The following PATJ variants were observed in gnomAD, a reference collection of about 807,000 sequenced individuals.
PATJ encodes the protein PATJ crumbs cell polarity complex component, also known as inaD-like protein.
A neutral mutation model predicts 224.9 loss-of-function variants in PATJ; 190 were observed. The ratio of observed to expected loss-of-function variants is 0.84; its 90% confidence interval spans 0.75 to 0.95. The LOEUF is 0.95. PATJ is among the 40% of genes least tolerant of loss of function. PATJ has a pLI of 0.00. For synonymous variants in PATJ, 769 were observed against 820.3 expected (o/e 0.94, Z 1.07); for missense variants, 2,121 against 2,270.3 (o/e 0.93, Z 1.34).
intron 31 of PATJ, among the ~76,000 whole-genome samples, chr1:62,064,204 T>C (rs1419862137): frequency 6.6e-6 from 1 of 152,186 alleles, no homozygotes; most frequent in East Asian, 1.9e-4. Flanking sequence ...GTTTTTATCA[T>C]GAAGGTATGT....
At chr1:61,890,120 T>C (rs1344009453) in intron 22 of PATJ, among the ~76,000 whole-genome samples, 3 of 152,222 alleles carry the variant, frequency 2.0e-5, no homozygotes, top group East Asian at 3.9e-4. Flanking sequence ...TGTATGACCC[T>C]GAAAGGGTTT....
chr1:61,998,204 C>T (rs899459345), intron 28 of PATJ, among the ~76,000 whole-genome samples: 3 of 150,844 alleles, frequency 2.0e-5, no homozygotes, highest in African/African-American at 4.9e-5. Flanking sequence ...CTCAGCCTCT[C>T]GATGAACTGA....
At chr1:62,154,488 C>T (rs932844730) in intron 43 of PATJ, among the ~76,000 whole-genome samples, 1 of 151,754 alleles carries the variant, frequency 6.6e-6, no homozygotes, top group Admixed American at 6.6e-5. Flanking sequence ...TGGCAAAACC[C>T]GTCTTTACTA....
intron 31 of PATJ, among the ~76,000 whole-genome samples, chr1:62,069,607 T>C (rs552075447): frequency 6.6e-6 from 1 of 152,206 alleles, no homozygotes; most frequent in Admixed American, 6.5e-5. Flanking sequence ...AGTTTTCTCA[T>C]CTATTCCTTC....
intron 22 of PATJ, among the ~76,000 whole-genome samples, chr1:61,895,949 A>T (rs889076797): frequency 6.6e-6 from 1 of 152,204 alleles, no homozygotes; most frequent in Non-Finnish European, 1.5e-5. Context: ...CCCTTGAATC[A>T]GCATTTCTTG....
chr1:62,063,857 C>G (rs1655953222), intron 31 of PATJ, among the ~76,000 whole-genome samples: 1 of 152,154 alleles, frequency 6.6e-6, no homozygotes, highest in Admixed American at 6.6e-5. Flanking sequence ...GATTTTGTGT[C>G]TTGAAACTTC....
intron 30 of PATJ, among the ~76,000 whole-genome samples, chr1:62,049,798 G>C (rs1472908730): frequency 6.6e-6 from 1 of 152,134 alleles, no homozygotes; most frequent in Non-Finnish European, 1.5e-5. Flanking sequence ...GCATTCATTA[G>C]TTCCATCAGT....
At chr1:62,087,926 TC>T (rs1185005241) in intron 33 of PATJ, among the ~76,000 whole-genome samples, 14 of 151,306 alleles carry the variant, frequency 9.3e-5, no homozygotes, top group African/African-American at 3.4e-4. Flanking sequence ...AGTTTCGCTC[TC>T]CTTGCCCAGG....
chr1:61,871,474 CAT>C (rs1234484920), intron 20 of PATJ, among the ~76,000 whole-genome samples: 6 of 50,082 alleles, frequency 1.2e-4, no homozygotes, highest in Admixed American at 8.0e-4. Flanking sequence ...TATGTATATA[CAT>C]ATATATGTGT....
At chr1:62,037,910 T>G (rs1428447274) in intron 29 of PATJ, 67 bp from the exon 30 acceptor site, 2 of 865,672 alleles carry the variant, frequency 2.3e-6, no homozygotes, top group Admixed American at 4.1e-5. Context: ...TGAGGAAGTA[T>G]TTATAATTTG....
At chr1:61,894,976 G>T (rs1012438089) in intron 22 of PATJ, among the ~76,000 whole-genome samples, 6 of 152,154 alleles carry the variant, frequency 3.9e-5, no homozygotes, top group Non-Finnish European at 8.8e-5. Flanking sequence ...GTGGAGCAAA[G>T]GTCACTCTTG....
intron 33 of PATJ, among the ~76,000 whole-genome samples, chr1:62,102,859 CAAA>C (rs1162014751): frequency 0.32 from 14,376 of 45,508 alleles, 536 homozygotes; most frequent in South Asian, 0.38. Flanking sequence ...TACCCTGTCT[CAAA>C]AAAAAAAAAA....
intron 27 of PATJ, among the ~76,000 whole-genome samples, chr1:61,928,097 A>G (rs1004422493): frequency 6.6e-6 from 1 of 152,180 alleles, no homozygotes; most frequent in African/African-American, 2.4e-5. Context: ...GGTTGTGAAT[A>G]CAAAAATGTC....
At chr1:61,814,547 T>TGCGCGCGCGCGCGCGC (rs1553168028) in intron 14 of PATJ, among the ~76,000 whole-genome samples, 1 of 142,494 alleles carries the variant, frequency 7.0e-6, no homozygotes, top group African/African-American at 2.7e-5. Context: ...TGTGTGTGTG[T>TGCGCGCGCGCGCGCGC]GCGCGCGCGC....
intron 41 of PATJ, among the ~76,000 whole-genome samples, chr1:62,131,103 TG>T (rs1208512749): frequency 6.6e-6 from 1 of 152,218 alleles, no homozygotes; most frequent in Admixed American, 6.5e-5. Flanking sequence ...TTAAATTATT[TG>T]GGTCCCTGAT....
At chr1:62,032,412 A>G (rs954155869) in intron 29 of PATJ, among the ~76,000 whole-genome samples, 2 of 152,196 alleles carry the variant, frequency 1.3e-5, no homozygotes, top group African/African-American at 4.8e-5. Flanking sequence ...AAATCTCCAG[A>G]TTTGAAGGGC....
chr1:62,094,543 C>T (rs1205295163), intron 33 of PATJ, among the ~76,000 whole-genome samples: 2 of 148,312 alleles, frequency 1.3e-5, no homozygotes, highest in Admixed American at 1.4e-4. Context: ...CTGAACCTAA[C>T]CTAGATTCTG....
Position 62,018,267 on chromosome 1 carries a change from C to T in PATJ, c.3959+320C>T, listed in dbSNP as rs7529065. Among the ~76,000 whole-genome samples, 1,881 of 152,292 alleles carry T rather than the reference C, an allele frequency of 0.012. 40 individuals carry two copies. Among genetic ancestry groups the T allele is most frequent in the African/African-American group, 0.042 (1,757 of 41,554 alleles). On this transcript the variant is annotated intron_variant, in intron 29 of 43. Transcript: ENST00000642238. The surrounding 1 kb of genome is among the most constrained non-coding windows in gnomAD (Gnocchi z 4.2). ...CTGCTAACTTCTCTTCCTGTCACTACTATTTGGTACATTTGCTGAATCATT... is the reference window on the plus strand; with the variant it reads ...CTGCTAACTTCTCTTCCTGTCACTATTATTTGGTACATTTGCTGAATCATT...
intron 39 of PATJ, among the ~76,000 whole-genome samples, chr1:62,123,624 C>T (rs959284898): frequency 6.6e-6 from 1 of 151,208 alleles, no homozygotes; most frequent in Admixed American, 6.6e-5. Context: ...ACTACAGGCG[C>T]CTGCCACCAC....
Sources: gnomAD v4.1 joint callset for allele counts (sites outside exome capture counted in the v4.1 genomes callset) on GRCh38, gnomAD v4.1.1 for gene constraint, Gnocchi (gnomAD v3.1) non-coding constraint, MANE v1.5 for transcripts, NCBI Gene and HGNC (gene_info 2026-07-23, HGNC 2026-07-21) for gene names.